TNR: variants seen among roughly 807,000 people sequenced by gnomAD.
The protein encoded by TNR is tenascin R.
A neutral mutation model predicts 150.4 loss-of-function variants in TNR; 45 were observed. The observed-to-expected ratio is 0.30, with a 90% CI of 0.24 to 0.38. The LOEUF is 0.38. TNR is among the 10% of genes least tolerant of loss of function. The probability of loss-of-function intolerance (pLI) is 1.00; values close to 1 mark genes in which losing one functional copy is unlikely to be tolerated. For missense variants in TNR, 1,544 were observed against 1,759.1 expected (o/e 0.88, Z 2.19); for synonymous variants, 687 against 678.4 (o/e 1.01, Z -0.20).
At chr1:175,693,683 T>A (rs1289536134) in intron 1 of TNR, among the ~76,000 whole-genome samples, 1 of 152,224 alleles carries the variant, frequency 6.6e-6, no homozygotes, top group Non-Finnish European at 1.5e-5. Context: ...GGACTGAGAA[T>A]GCTTTGATTG....
At chr1:175,743,186 G>T (rs1025020974) in intron 1 of TNR, 40 bp downstream of exon 1, 1 of 152,222 alleles carries the variant, frequency 6.6e-6, no homozygotes, top group African/African-American at 2.4e-5. Flanking sequence ...CTGAAATCAC[G>T]TTAGCCAGAA....
chr1:175,407,653 A>C (rs1234284076), intron 2 of TNR, among the ~76,000 whole-genome samples: 2 of 152,232 alleles, frequency 1.3e-5, no homozygotes, highest in Non-Finnish European at 2.9e-5. Context: ...GGACCAAGTG[A>C]GTGTGACTAT....
At chr1:175,507,436 T>C (rs1557976044) in intron 2 of TNR, among the ~76,000 whole-genome samples, 1 of 152,210 alleles carries the variant, frequency 6.6e-6, no homozygotes, top group Non-Finnish European at 1.5e-5. Context: ...GTGCCAGGAA[T>C]GTTACATGAG....
intron 1 of TNR, among the ~76,000 whole-genome samples, chr1:175,731,810 A>G (rs1667648056): frequency 6.6e-6 from 1 of 152,182 alleles, no homozygotes; most frequent in Non-Finnish European, 1.5e-5. Flanking sequence ...TCCGCTCAGC[A>G]TCTGATGCAA....
chr1:175,644,937 C>T (rs912539603), intron 1 of TNR, among the ~76,000 whole-genome samples: 2 of 150,720 alleles, frequency 1.3e-5, no homozygotes, highest in African/African-American at 4.9e-5. Flanking sequence ...TGTGAATAAA[C>T]TTTAATTTTT....
chr1:175,676,482 T>G (rs528473222), intron 1 of TNR, among the ~76,000 whole-genome samples: 1 of 152,152 alleles, frequency 6.6e-6, no homozygotes, highest in African/African-American at 2.4e-5. Flanking sequence ...GAGCAGGCCA[T>G]GCAGACCTGG....
rs147545509 is a variant in TNR at position 175,434,514 on chromosome 1, T to C, written c.-63-27737A>G. 4.4e-3 allele frequency among the ~76,000 whole-genome samples: 675 copies of C among 152,274 alleles called. 1 individual carries two copies. Among genetic ancestry groups the C allele is most frequent in the Non-Finnish European group, 7.8e-3 (531 of 68,018 alleles). Reference sequence around the variant, plus strand: ...CGCCATTTGCCCTGGAGTTGATACATTGTCCATATTAATTCAAAAAAAGTT... The same window carrying C: ...CGCCATTTGCCCTGGAGTTGATACACTGTCCATATTAATTCAAAAAAAGTT... On this transcript the variant is annotated intron_variant, in intron 2 of 22. Transcript: ENST00000367674.
intron 2 of TNR, among the ~76,000 whole-genome samples, chr1:175,419,596 C>T (rs988728171): frequency 6.6e-6 from 1 of 152,164 alleles, no homozygotes; most frequent in African/African-American, 2.4e-5. Context: ...ATTCTCGTGC[C>T]TCAGCCTCCC....
chr1:175,614,374 TC>T (rs965290693), intron 1 of TNR, among the ~76,000 whole-genome samples: 12 of 152,270 alleles, frequency 7.9e-5, no homozygotes, highest in South Asian at 2.1e-4. Context: ...TCCTTTCCTC[TC>T]CCACCTGTGT....
intron 2 of TNR, among the ~76,000 whole-genome samples, chr1:175,512,237 C>T (rs902126327): frequency 1.3e-5 from 2 of 152,142 alleles, no homozygotes; most frequent in African/African-American, 4.8e-5. Flanking sequence ...AGTTAAGATC[C>T]GTGACCATTT....
intron 1 of TNR, among the ~76,000 whole-genome samples, chr1:175,569,569 G>A (rs1003237696): frequency 6.6e-6 from 1 of 152,178 alleles, no homozygotes; most frequent in South Asian, 2.1e-4. Flanking sequence ...GATGAAATTT[G>A]TGGTTTTTGC....
intron 1 of TNR, among the ~76,000 whole-genome samples, chr1:175,723,698 C>T (rs921565856): frequency 6.6e-6 from 1 of 152,212 alleles, no homozygotes; most frequent in South Asian, 2.1e-4. Flanking sequence ...ATGGTGAAAC[C>T]CCGTCTCTAC....
intron 1 of TNR, among the ~76,000 whole-genome samples, chr1:175,670,338 G>T (rs962564177): frequency 6.6e-6 from 1 of 152,142 alleles, no homozygotes; most frequent in Non-Finnish European, 1.5e-5. Flanking sequence ...AAGTCTGGTG[G>T]GAAGAACCTG....
chr1:175,473,557 A>G (rs917443443), intron 2 of TNR, among the ~76,000 whole-genome samples: 1 of 152,206 alleles, frequency 6.6e-6, no homozygotes, highest in African/African-American at 2.4e-5. Context: ...CTTCTCAGCC[A>G]TGTAGGAAAG....
chr1:175,582,019 C>T (rs1410306720), intron 1 of TNR, among the ~76,000 whole-genome samples: 4 of 152,094 alleles, frequency 2.6e-5, no homozygotes, highest in Non-Finnish European at 4.4e-5. Context: ...ATGCTTCAAC[C>T]TACTAAACTC....
At chr1:175,662,085 A>C (rs1225311402) in intron 1 of TNR, among the ~76,000 whole-genome samples, 1 of 152,120 alleles carries the variant, frequency 6.6e-6, no homozygotes, top group African/African-American at 2.4e-5. Flanking sequence ...GGATTGGAGC[A>C]TGGGGATTAG....
intron 1 of TNR, among the ~76,000 whole-genome samples, chr1:175,661,882 C>T (rs1665384185): frequency 6.7e-6 from 1 of 149,490 alleles, no homozygotes; most frequent in South Asian, 2.2e-4. Flanking sequence ...CCTGCCTCCA[C>T]AGCAGCTCTC....
chr1:175,632,756 C>T (rs1410335254), intron 1 of TNR, among the ~76,000 whole-genome samples: 10 of 152,200 alleles, frequency 6.6e-5, no homozygotes, highest in South Asian at 2.1e-4. Context: ...ATGAAAAAAA[C>T]GAGATGGGAA....
At position 175,315,351 on chromosome 1, in the gene TNR, T is replaced by A. The variant is rs926025247; in HGVS notation, c.*8006A>T. 2 of 152,234 alleles carry A rather than the reference T, an allele frequency of 1.3e-5. No homozygotes were observed. The highest frequency in any genetic ancestry group is 2.9e-5 in the Non-Finnish European group (2 of 68,040). 9.4% of individuals were successfully genotyped at this position (152,234 alleles called of 1,614,324 possible). A position where few individuals can be genotyped will look rare whatever the true frequency, so the allele number is the denominator to read the frequency against. On this transcript the variant is annotated 3_prime_UTR_variant, in exon 23 of 23. Transcript: ENST00000367674. ...CAGTGCCATGAAAGGATCAGAGAAG[T>A]TGGTTTTTCCTCTCCCTTCCTCTGT...
Sources: gnomAD v4.1 joint callset for allele counts (sites outside exome capture counted in the v4.1 genomes callset) on GRCh38, gnomAD v4.1.1 for gene constraint, MANE v1.5 for transcripts, NCBI Gene and HGNC (gene_info 2026-07-23, HGNC 2026-07-21) for gene names.